Variants in CSNK1G3 observed in about 807,000 individuals in gnomAD.
CSNK1G3 encodes the protein casein kinase I isoform gamma-3.
CSNK1G3 carries 23 observed loss-of-function variants against 64.3 expected under a neutral mutation model. That is an observed-to-expected ratio of 0.36 (90% CI 0.26 to 0.51). The LOEUF (loss-of-function observed/expected upper bound fraction) is 0.51. Among genes scored for constraint, CSNK1G3 ranks in the 20% least tolerant of loss-of-function variants. CSNK1G3 has a pLI of 0.96. For missense variants in CSNK1G3, 357 were observed against 510.5 expected (o/e 0.70, Z 2.90); for synonymous variants, 158 against 162.2 (o/e 0.97, Z 0.20).
intron 10 of CSNK1G3, among the ~76,000 whole-genome samples, chr5:123,600,413 T>A (rs564725988): frequency 2.0e-5 from 3 of 151,984 alleles, no homozygotes; most frequent in Middle Eastern, 3.4e-3. Context: ...TCACTTGAGG[T>A]CAGGAGTTCG....
chr5:123,552,168 G>A (rs1278684329), intron 2 of CSNK1G3, among the ~76,000 whole-genome samples: 4 of 145,258 alleles, frequency 2.8e-5, no homozygotes, highest in African/African-American at 1.0e-4. Flanking sequence ...TTTTTTTGAT[G>A]GAGTCTCACT....
chr5:123,533,806 GT>G (rs908705062), intron 1 of CSNK1G3, among the ~76,000 whole-genome samples: 1 of 150,498 alleles, frequency 6.6e-6, no homozygotes, highest in Non-Finnish European at 1.5e-5. Flanking sequence ...TCCCCCAGAG[GT>G]TTTTTCTTTT....
chr5:123,574,845 A>T (rs1788860247), intron 5 of CSNK1G3, among the ~76,000 whole-genome samples: 1 of 152,084 alleles, frequency 6.6e-6, no homozygotes, highest in Non-Finnish European at 1.5e-5. Flanking sequence ...ACAAAACATC[A>T]AAAAACCAAC....
At chr5:123,614,258 T>C in intron 12 of CSNK1G3, 84 bp from the exon 14 acceptor site, 3 of 1,351,328 alleles carry the variant, frequency 2.2e-6, no homozygotes, top group Non-Finnish European at 3.1e-6. Context: ...TTGCTTTTTA[T>C]GATCATTTAA....
intron 4 of CSNK1G3, among the ~76,000 whole-genome samples, chr5:123,560,291 A>T (rs1376746420): frequency 6.6e-6 from 1 of 152,180 alleles, no homozygotes; most frequent in African/African-American, 2.4e-5. Flanking sequence ...TAAAAAAGCC[A>T]CCGTGGAAAA....
intron 2 of CSNK1G3, among the ~76,000 whole-genome samples, chr5:123,552,395 C>T (rs1013919991): frequency 3.3e-5 from 5 of 152,184 alleles, no homozygotes; most frequent in African/African-American, 1.2e-4. Context: ...CCACCTGCCT[C>T]AGCCTCCCAA....
intron 6 of CSNK1G3, among the ~76,000 whole-genome samples, chr5:123,581,356 G>GTTTTTTTTTTTT (rs1561566403): frequency 1.0e-5 from 1 of 96,758 alleles, no homozygotes; most frequent in African/African-American, 4.0e-5. Context: ...TGTTTTTTGG[G>GTTTTTTTTTTTT]TTTGTTTTTT....
intron 1 of CSNK1G3, among the ~76,000 whole-genome samples, chr5:123,526,630 C>CT (rs1361516313): frequency 1.3e-5 from 2 of 152,056 alleles, no homozygotes; most frequent in Non-Finnish European, 2.9e-5. Context: ...TATAATTTTG[C>CT]TTTTTCTAGA....
At chr5:123,518,550 T>C (rs1271453356) in intron 1 of CSNK1G3, among the ~76,000 whole-genome samples, 1 of 152,222 alleles carries the variant, frequency 6.6e-6, no homozygotes, top group Non-Finnish European at 1.5e-5. Flanking sequence ...CTCTCTCTCT[T>C]TCTGTCTGTG....
exon 13 of CSNK1G3, chr5:123,616,929 G>A (rs1182182909): frequency 1.3e-5 from 2 of 152,002 alleles, no homozygotes; most frequent in African/African-American, 4.8e-5. Context: ...TTGCTTTCTT[G>A]AAATCCAGTG....
intron 1 of CSNK1G3, among the ~76,000 whole-genome samples, chr5:123,535,753 A>G (rs551750672): frequency 1.3e-5 from 2 of 152,212 alleles, no homozygotes; most frequent in Admixed American, 1.3e-4. Flanking sequence ...ATGTATCTTT[A>G]TAAGAATAGT....
intron 10 of CSNK1G3, among the ~76,000 whole-genome samples, chr5:123,592,815 A>T (rs916550743): frequency 1.3e-5 from 2 of 151,898 alleles, no homozygotes; most frequent in Non-Finnish European, 2.9e-5. Flanking sequence ...TTGGTACTAT[A>T]AAGCATCTCA....
intron 6 of CSNK1G3, among the ~76,000 whole-genome samples, chr5:123,586,385 C>T (rs928488815): frequency 1.3e-5 from 2 of 152,026 alleles, no homozygotes; most frequent in East Asian, 1.9e-4. Flanking sequence ...CTCAGGACTA[C>T]GAGAATCTAA....
chr5:123,543,823 T>C (rs991820495), intron 1 of CSNK1G3, among the ~76,000 whole-genome samples: 5 of 152,186 alleles, frequency 3.3e-5, no homozygotes, highest in Admixed American at 2.6e-4. Context: ...CTGTCATGGC[T>C]AGAAGCAGAG....
At chr5:123,598,060 G>A (rs1166468896) in intron 10 of CSNK1G3, among the ~76,000 whole-genome samples, 1 of 152,072 alleles carries the variant, frequency 6.6e-6, no homozygotes, top group African/African-American at 2.4e-5. Flanking sequence ...GTCATGTTAA[G>A]TCACTAGCTA....
chr5:123,535,886 A>G (rs528525038), intron 1 of CSNK1G3, among the ~76,000 whole-genome samples: 1 of 152,116 alleles, frequency 6.6e-6, no homozygotes, highest in Admixed American at 6.6e-5. Context: ...CAGACTTGGC[A>G]CTTGACTCTG....
rs184893296 is a variant in CSNK1G3, at chr5:123,537,644, C to T, written c.-247-7773C>T. Among the ~76,000 whole-genome samples, 345 of 152,194 alleles carry T rather than the reference C, an allele frequency of 2.3e-3. 1 individual carries two copies. Among genetic ancestry groups the T allele is most frequent in the Middle Eastern group, 6.8e-3 (2 of 294 alleles). On this transcript the variant is annotated intron_variant, in intron 1 of 12. Transcript: ENST00000345990. ...AAAACATACATGTTGAGATGAAACA[C>T]GCAGTTTTTTATGTGTGTATGGGGG...
intron 10 of CSNK1G3, among the ~76,000 whole-genome samples, chr5:123,601,643 C>G (rs1198551076): frequency 6.6e-6 from 1 of 152,142 alleles, no homozygotes; most frequent in Non-Finnish European, 1.5e-5. Flanking sequence ...TATATAGTCA[C>G]TGTTGCTAGA....
chr5:123,588,160 GT>G lies in CSNK1G3; in HGVS notation c.759+12del. ...TCCTTGGCAAGGCTTAAAGGTAATT[GT>G]TTTTGTGTTTCTTTATTGAATTTCA... On this transcript the variant is annotated splice_region_variant and intron_variant, in intron 7 of 12. Coordinates refer to ENST00000345990, the Ensembl canonical transcript of CSNK1G3. 1 of 1,565,240 alleles carries G rather than the reference GT, an allele frequency of 6.4e-7. No homozygotes were observed. Among genetic ancestry groups the G allele is most frequent in the Non-Finnish European group, 8.8e-7 (1 of 1,137,910 alleles).
Sources: allele counts gnomAD v4.1 joint callset (sites outside exome capture counted in the v4.1 genomes callset), GRCh38; gene constraint gnomAD v4.1.1; transcripts MANE v1.5; gene names NCBI Gene and HGNC (gene_info 2026-07-23, HGNC 2026-07-21).